ZNF546: variants seen among roughly 807,000 people sequenced by gnomAD.
ZNF546 encodes the protein zinc finger protein 546.
In ZNF546, 60 loss-of-function variants were observed where a neutral mutation model predicts 76.2. That is an observed-to-expected ratio of 0.79 (90% CI 0.64 to 0.98). The LOEUF (loss-of-function observed/expected upper bound fraction) is 0.98. ZNF546 is among the 50% of genes least tolerant of loss of function. ZNF546 has a pLI of 0.00. For synonymous variants in ZNF546, 277 were observed against 328.1 expected, an observed-to-expected ratio of 0.84 and a Z score of 1.68; for missense variants, 936 against 1,035.6, an observed-to-expected ratio of 0.90 and a Z score of 1.32.
In ZNF546 at chr19:40,016,057, A is replaced by C; in HGVS notation, c.*276A>C. The C allele has an allele frequency of 1.2e-5, 5 of 412,830 alleles. No individual in the cohort carries two copies. Among genetic ancestry groups the C allele is most frequent in the African/African-American group, 4.1e-5 (2 of 49,382 alleles). 25.6% of individuals were successfully genotyped at this position (412,830 alleles called of 1,614,324 possible). A position where few individuals can be genotyped will look rare whatever the true frequency, so the allele number is the denominator to read the frequency against. On this transcript the variant is annotated 3_prime_UTR_variant, in exon 7 of 7. Coordinates refer to ENST00000347077, the MANE Select transcript of ZNF546 (RefSeq NM_178544.5). ...AGTGCTTCTCTAAAATGCAATAATA[A>C]TGGGCCAGGTGAAGTGGCTCACACC...
chr19:40,012,574 G>A (rs537840624), intron 6 of ZNF546, among the ~76,000 whole-genome samples: 2 of 152,152 alleles, frequency 1.3e-5, no homozygotes, highest in East Asian at 3.9e-4. Context: ...TTTATTCTAG[G>A]GGGAACGAGA....
In ZNF546 at chr19:40,014,433, A is replaced by T; in HGVS notation, c.1163A>T (p.Asn388Ile). 1 of 1,614,124 alleles carries T rather than the reference A, an allele frequency of 6.2e-7. No homozygotes were observed. Among genetic ancestry groups the T allele is most frequent in the Non-Finnish European group, 8.5e-7 (1 of 1,179,992 alleles). The change falls in exon 7 of 7, where the codon AAT becomes ATT. Residue 388 changes from asparagine to isoleucine, a missense_variant. Physicochemically the swap from Asn to Ile is moderately radical, Grantham distance 149 (BLOSUM62 -3). Coordinates refer to ENST00000347077, the MANE Select transcript of ZNF546 (RefSeq NM_178544.5). ...IHTGVKPYKC[N>I]ECGKAFSHGS... ...ACTGGTGTCAAACCCTATAAATGTA[A>T]TGAATGTGGGAAGGCCTTTAGTCAT...
intron 1 of ZNF546, 97 bp downstream of exon 1, chr19:39,997,254 A>C (rs1197368676): frequency 2.0e-5 from 3 of 152,536 alleles, no homozygotes; most frequent in African/African-American, 7.2e-5. Flanking sequence ...TCGTGCCCGC[A>C]GGGAGCCTCA....
At chr19:40,009,284 G>A (rs1971642637) in intron 6 of ZNF546, among the ~76,000 whole-genome samples, 1 of 152,224 alleles carries the variant, frequency 6.6e-6, no homozygotes. Context: ...TATTCCCAAA[G>A]TAAATTATGC....
At chr19:40,011,300 A>G (rs1364871521) in intron 6 of ZNF546, 2 of 151,016 alleles carry the variant, frequency 1.3e-5, no homozygotes, top group Middle Eastern at 3.4e-3. Flanking sequence ...ATCTCGGCTC[A>G]CTGCAACCTC....
chr19:40,002,495 ATAAG>A (rs1442967358), intron 3 of ZNF546, among the ~76,000 whole-genome samples: 4 of 152,328 alleles, frequency 2.6e-5, no homozygotes, highest in African/African-American at 4.8e-5. Context: ...AATAGACTGA[ATAAG>A]TATAAGGTAG....
In ZNF546 at chr19:40,013,888, A is replaced by G. The variant is rs140807219; in HGVS notation, c.618A>G (p.Leu206=). ...MLIQKQISHP[L]HPKIHAREKS... ...TCCAAAAACAAATATCTCATCCTCTACATCCAAAAATTCATGCTAGAGAGA... is the reference window on the plus strand; with the variant it reads ...TCCAAAAACAAATATCTCATCCTCTGCATCCAAAAATTCATGCTAGAGAGA... Residue 206 remains leucine (L), a synonymous_variant, in exon 7 of 7, where the codon CTA becomes CTG. Transcript: ENST00000347077. 8,351 of 1,606,802 alleles carry G rather than the reference A, an allele frequency of 5.2e-3. 23 individuals are homozygous for G. Among genetic ancestry groups the G allele is most frequent in the South Asian group, 0.01 (927 of 89,838 alleles).
In ZNF546 at chr19:40,014,674, C is replaced by G. The variant is rs1382290676; in HGVS notation, c.1404C>G (p.Pro468=). The change falls in exon 7 of 7, where the codon CCC becomes CCG. Residue 468 remains proline, a synonymous_variant. Transcript: ENST00000347077. ...RHHRTHTGEK[P]YECKECGKAF... ...ATAGAACTCATACTGGTGAGAAACC[C>G]TATGAATGTAAGGAATGTGGGAAGG... 2 of 1,612,778 alleles carry G rather than the reference C, an allele frequency of 1.2e-6. No homozygotes were observed. Among genetic ancestry groups the G allele is most frequent in the Admixed American group, 1.7e-5 (1 of 59,928 alleles).
intron 6 of ZNF546, 133 bp downstream of exon 6, chr19:40,008,698 C>G: frequency 1.8e-6 from 1 of 544,624 alleles, no homozygotes; most frequent in South Asian, 3.9e-5. Context: ...AGGACTGATA[C>G]CTGGGAAGCA....
In ZNF546 at chr19:40,015,274, G is replaced by A. The variant is rs113813034; in HGVS notation, c.2004G>A (p.Thr668=). ...CTGGTGAGAAACCCTACGAATGTACGGAATGTGGGAAGACGTTTAGTCGGC... is the reference window on the plus strand; with the variant it reads ...CTGGTGAGAAACCCTACGAATGTACAGAATGTGGGAAGACGTTTAGTCGGC... ...IHTGEKPYEC[T]ECGKTFSRHY... Residue 668 remains threonine, a synonymous_variant, in exon 7 of 7, where the codon ACG becomes ACA. Transcript: ENST00000347077. 3.3e-5 allele frequency: 53 copies of A among 1,612,470 alleles called. No individual in the cohort carries two copies. Among genetic ancestry groups the A allele is most frequent in the Non-Finnish European group, 3.9e-5 (46 of 1,179,608 alleles).
chr19:40,017,437 T>C lies in ZNF546; in HGVS notation c.*1656T>C, dbSNP rs573544565. The C allele has an allele frequency of 1.3e-5, 2 of 152,338 alleles. No individual in the cohort carries two copies. The highest frequency in any genetic ancestry group is 4.8e-5 in the African/African-American group (2 of 41,584). The allele number at this position is 152,338 out of a possible 1,614,324, so 9.4% of individuals were successfully genotyped here. A position where few individuals can be genotyped will look rare whatever the true frequency, so the allele number is the denominator to read the frequency against. On this transcript the variant is annotated 3_prime_UTR_variant, in exon 7 of 7. Transcript: ENST00000347077. ...ATTGTTAATATGTTGTCACATTTGG[T>C]TTGCTTATACATAATATTTACATAT...
At chr19:39,999,167 G>T (rs1193938511) in intron 3 of ZNF546, among the ~76,000 whole-genome samples, 1 of 152,206 alleles carries the variant, frequency 6.6e-6, no homozygotes, top group Non-Finnish European at 1.5e-5. Context: ...CTGATTATTT[G>T]CTGGAGAAGT....
In ZNF546 at chr19:40,015,226, C is replaced by T. The variant is rs761539048; in HGVS notation, c.1956C>T (p.Leu652=). ...CGKAFIRSTH[L]TQHHRIHTGE... is the part of the protein sequence containing the mutation. Reference sequence around the variant, plus strand: ...AGGCCTTTATTCGTAGCACTCATCTCACGCAACATCACAGAATTCATACTG... The same window carrying T: ...AGGCCTTTATTCGTAGCACTCATCTTACGCAACATCACAGAATTCATACTG... The change falls in exon 7 of 7, where the codon CTC becomes CTT. Residue 652 remains leucine, a synonymous_variant. Transcript: ENST00000347077. 2.5e-6 allele frequency: 4 copies of T among 1,612,696 alleles called. No individual in the cohort carries two copies. Among genetic ancestry groups the T allele is most frequent in the Non-Finnish European group, 3.4e-6 (4 of 1,179,572 alleles).
chr19:40,002,995 C>T (rs1306717937), intron 3 of ZNF546, among the ~76,000 whole-genome samples: 2 of 151,122 alleles, frequency 1.3e-5, no homozygotes, highest in Non-Finnish European at 2.9e-5. Flanking sequence ...CCGCCGTGCC[C>T]GGCCTGAACT....
At chr19:40,003,547 C>T (rs1219721009) in intron 3 of ZNF546, among the ~76,000 whole-genome samples, 1 of 152,112 alleles carries the variant, frequency 6.6e-6, no homozygotes, top group Non-Finnish European at 1.5e-5. Flanking sequence ...AATTTCAGAG[C>T]ACAAACTGTC....
chr19:39,997,619 GT>G (rs1190891193), intron 1 of ZNF546, among the ~76,000 whole-genome samples: 34 of 152,350 alleles, frequency 2.2e-4, no homozygotes, highest in African/African-American at 8.2e-4. Context: ...AGACTGCGCA[GT>G]TGGAGCCGCT....
At chr19:40,008,926 T>C (rs1400634048) in intron 6 of ZNF546, among the ~76,000 whole-genome samples, 1 of 152,234 alleles carries the variant, frequency 6.6e-6, no homozygotes, top group African/African-American at 2.4e-5. Context: ...ATTTCCCATT[T>C]ACCTAACCTA....
At position 40,015,397 on chromosome 19, in the gene ZNF546, A is replaced by T. The variant is rs1329897470; in HGVS notation, c.2127A>T (p.Thr709=). 6.2e-7 allele frequency: 1 copy of T among 1,614,134 alleles called. No individual in the cohort carries two copies. ...GNAFICSYRL[T]LHQRIHTGEL... ...CTTTTATTTGCAGTTATCGACTTAC[A>T]TTACATCAAAGAATTCACACTGGTG... The change falls in exon 7 of 7, where the codon ACA becomes ACT. Residue 709 remains threonine, a synonymous_variant. Coordinates refer to ENST00000347077, the MANE Select transcript of ZNF546 (RefSeq NM_178544.5).
Position 40,013,798 on chromosome 19 carries a change from G to A in ZNF546, c.528G>A (p.Leu176=). 6.2e-7 allele frequency: 1 copy of A among 1,613,996 alleles called. No homozygotes were observed. The highest frequency in any genetic ancestry group is 8.5e-7 in the Non-Finnish European group (1 of 1,179,982). The change falls in exon 7 of 7, where the codon TTG becomes TTA. Residue 176 remains leucine (L), a synonymous_variant. Transcript: ENST00000347077. ...IHEDTIFRNG[L]QCKHEFERQE... is the part of the protein sequence containing the mutation. ...AGGACACCATTTTCAGAAATGGTTTGCAGTGTAAACATGAATTTGAGAGAC... is the reference window on the plus strand; with the variant it reads ...AGGACACCATTTTCAGAAATGGTTTACAGTGTAAACATGAATTTGAGAGAC...
Sources: gnomAD v4.1 joint callset for allele counts (sites outside exome capture counted in the v4.1 genomes callset) on GRCh38, gnomAD v4.1.1 for gene constraint, MANE v1.5 for transcripts, NCBI Gene and HGNC (gene_info 2026-07-23, HGNC 2026-07-21) for gene names.